MAGI1: variants seen among roughly 807,000 people sequenced by gnomAD.
MAGI1 encodes membrane-associated guanylate kinase, WW and PDZ domain-containing protein 1.
In MAGI1, 58 loss-of-function variants were observed where a neutral mutation model predicts 139.9. The observed-to-expected ratio is 0.41, with a 90% CI of 0.34 to 0.52. The LOEUF is 0.52. Ranked by LOEUF, MAGI1 falls within the 20% of genes least tolerant of loss-of-function variation. The pLI is 0.12. For missense variants in MAGI1, 1,874 were observed against 1,901.6 expected (o/e 0.99, Z 0.27); for synonymous variants, 812 against 737.9 (o/e 1.10, Z -1.63).
intron 2 of MAGI1, among the ~76,000 whole-genome samples, chr3:65,507,087 A>C (rs529945704): frequency 6.6e-6 from 1 of 152,312 alleles, no homozygotes; most frequent in East Asian, 1.9e-4. Flanking sequence ...TCTTGAAAAA[A>C]TAAAGAAGAA....
intron 1 of MAGI1, among the ~76,000 whole-genome samples, chr3:65,822,390 C>T (rs546693744): frequency 1.3e-3 from 192 of 151,882 alleles, no homozygotes; most frequent in Non-Finnish European, 2.2e-3. Context: ...TAGCCGAGTG[C>T]GGTGGTGCAT....
At chr3:65,417,493 G>A (rs1946312242) in intron 12 of MAGI1, among the ~76,000 whole-genome samples, 1 of 149,946 alleles carries the variant, frequency 6.7e-6, no homozygotes, top group Admixed American at 6.7e-5. Context: ...GTTAAGGGGG[G>A]AAATGTCTGA....
At chr3:65,798,791 T>C (rs1051877396) in intron 1 of MAGI1, among the ~76,000 whole-genome samples, 6 of 152,046 alleles carry the variant, frequency 3.9e-5, no homozygotes, top group African/African-American at 1.4e-4. Flanking sequence ...AAATAAACAA[T>C]TCATAAGTTT....
At chr3:65,715,560 T>A (rs1194704055) in intron 1 of MAGI1, among the ~76,000 whole-genome samples, 1 of 152,156 alleles carries the variant, frequency 6.6e-6, no homozygotes, top group African/African-American at 2.4e-5. Flanking sequence ...CACTTACTCC[T>A]AGGGGTCACG....
At chr3:65,660,851 A>G (rs1410914520) in intron 1 of MAGI1, among the ~76,000 whole-genome samples, 2 of 152,210 alleles carry the variant, frequency 1.3e-5, no homozygotes, top group African/African-American at 2.4e-5. Context: ...ACCCATATCC[A>G]TAATGCCAAA....
At chr3:65,676,454 A>AT (rs540194996) in intron 1 of MAGI1, among the ~76,000 whole-genome samples, 93 of 152,236 alleles carry the variant, frequency 6.1e-4, no homozygotes, top group African/African-American at 2.1e-3. Flanking sequence ...GAATCCTCAG[A>AT]TTTTTTTTAA....
intron 12 of MAGI1, among the ~76,000 whole-genome samples, chr3:65,413,490 C>A (rs921814286): frequency 6.6e-6 from 1 of 152,170 alleles, no homozygotes; most frequent in African/African-American, 2.4e-5. Flanking sequence ...CATGGACATA[C>A]AGTGAGCAGC....
At chr3:65,772,078 G>A (rs150931586) in intron 1 of MAGI1, among the ~76,000 whole-genome samples, 18 of 152,220 alleles carry the variant, frequency 1.2e-4, no homozygotes, top group Non-Finnish European at 2.5e-4. Flanking sequence ...GTGGGTGCCT[G>A]TAATCCCAGG....
chr3:65,419,225 C>CAT (rs1946458494), intron 12 of MAGI1, among the ~76,000 whole-genome samples: 1 of 139,568 alleles, frequency 7.2e-6, no homozygotes, highest in African/African-American at 2.8e-5. Flanking sequence ...CATTCATACA[C>CAT]ACACACACAC....
intron 1 of MAGI1, among the ~76,000 whole-genome samples, chr3:65,789,283 A>G (rs1297572319): frequency 6.6e-6 from 1 of 152,186 alleles, no homozygotes; most frequent in East Asian, 1.9e-4. Flanking sequence ...TAGTGCCACC[A>G]GTCCTGTGGT....
At chr3:65,637,387 T>TA (rs1052537353) in intron 1 of MAGI1, among the ~76,000 whole-genome samples, 17 of 151,476 alleles carry the variant, frequency 1.1e-4, no homozygotes, top group African/African-American at 3.4e-4. Context: ...ACCCTGTCTC[T>TA]AAAAAAAATG....
intron 2 of MAGI1, among the ~76,000 whole-genome samples, chr3:65,553,085 T>A (rs1356233815): frequency 6.6e-6 from 1 of 152,118 alleles, no homozygotes; most frequent in East Asian, 1.9e-4. Flanking sequence ...GATGCCTTAA[T>A]TATAACTTCA....
chr3:65,772,325 G>C (rs760353903), intron 1 of MAGI1, among the ~76,000 whole-genome samples: 18 of 152,134 alleles, frequency 1.2e-4, no homozygotes, highest in Non-Finnish European at 2.9e-5. Context: ...TGTTAACATT[G>C]TCAGACCATA....
intron 4 of MAGI1, among the ~76,000 whole-genome samples, chr3:65,478,375 G>A (rs1232324564): frequency 6.6e-6 from 1 of 152,004 alleles, no homozygotes; most frequent in Non-Finnish European, 1.5e-5. Flanking sequence ...GCTCCTTTAA[G>A]GTATTCTGAT....
At chr3:65,387,039 T>C (rs899010540) in intron 14 of MAGI1, 29 of 985,340 alleles carry the variant, frequency 2.9e-5, no homozygotes, top group African/African-American at 1.1e-4. Context: ...GCCCCTTTTT[T>C]CTTCCCTCTC....
intron 1 of MAGI1, among the ~76,000 whole-genome samples, chr3:65,869,487 A>ACC (rs567293655): frequency 6.7e-6 from 1 of 148,900 alleles, no homozygotes. Context: ...TGCAAGCTCC[A>ACC]CCCCCCAGGT....
At chr3:65,668,630 A>C (rs2086672860) in intron 1 of MAGI1, among the ~76,000 whole-genome samples, 1 of 136,298 alleles carries the variant, frequency 7.3e-6, no homozygotes, top group Non-Finnish European at 1.5e-5. Flanking sequence ...GCAGTGGTGC[A>C]ATCTCAGCTC....
chr3:65,469,471 T>C (rs1194020535), intron 5 of MAGI1, among the ~76,000 whole-genome samples: 1 of 152,090 alleles, frequency 6.6e-6, no homozygotes, highest in East Asian at 1.9e-4. Context: ...TCCAGAATGG[T>C]TTCAAATGTC....
intron 1 of MAGI1, among the ~76,000 whole-genome samples, chr3:65,710,584 T>TA (rs1182296170): frequency 2.6e-5 from 4 of 152,128 alleles, no homozygotes; most frequent in African/African-American, 9.7e-5. Flanking sequence ...GCCTTAACCT[T>TA]ACATTTCTAA....
Sources: gnomAD v4.1 joint callset for allele counts (sites outside exome capture counted in the v4.1 genomes callset) on GRCh38, gnomAD v4.1.1 for gene constraint, MANE v1.5 for transcripts, NCBI Gene and HGNC (gene_info 2026-07-23, HGNC 2026-07-21) for gene names.